STXBP6: variants seen among roughly 807,000 people sequenced by gnomAD.
The protein encoded by STXBP6 is syntaxin-binding protein 6.
Under a neutral mutation model 26.9 loss-of-function variants are expected in STXBP6, and 21 were observed. The ratio of observed to expected loss-of-function variants is 0.78; its 90% CI spans 0.55 to 1.12. The LOEUF (loss-of-function observed/expected upper bound fraction) is 1.12, where lower values mean the gene tolerates loss of function less well. Among genes scored for constraint, STXBP6 ranks in the 50% most tolerant of loss-of-function variants. STXBP6 has a pLI of 0.00. For synonymous variants in STXBP6, 97 were observed against 92.6 expected, an observed-to-expected ratio of 1.05 and a Z score of -0.27; for missense variants, 232 against 257.9, an observed-to-expected ratio of 0.90 and a Z score of 0.69.
At chr14:24,971,781 A>AT (rs199591477) in intron 2 of STXBP6, among the ~76,000 whole-genome samples, 6 of 152,050 alleles carry the variant, frequency 3.9e-5, no homozygotes, top group African/African-American at 7.2e-5. Context: ...ACATCATTGT[A>AT]TTTTTTTTAA....
At chr14:24,899,803 A>AAAAAAGC (rs2071144217) in intron 2 of STXBP6, among the ~76,000 whole-genome samples, 3 of 80,118 alleles carry the variant, frequency 3.7e-5, no homozygotes, top group Admixed American at 1.7e-4. Context: ...AAAAAAAGCA[A>AAAAAAGC]AAAAAAAAAA....
intron 2 of STXBP6, among the ~76,000 whole-genome samples, chr14:24,874,161 C>T (rs1197341419): frequency 2.6e-5 from 4 of 152,134 alleles, no homozygotes; most frequent in East Asian, 3.9e-4. Context: ...AAATTGCTCA[C>T]TCCCTCTCTC....
At chr14:25,031,555 C>G (rs1461893251) in intron 1 of STXBP6, among the ~76,000 whole-genome samples, 1 of 152,052 alleles carries the variant, frequency 6.6e-6, no homozygotes, top group Non-Finnish European at 1.5e-5. Flanking sequence ...AAAATAAAAG[C>G]TTTTTAAAAC....
Position 24,811,735 on chromosome 14 carries a change from C to CCT in STXBP6, c.*972_*973dup, listed in dbSNP as rs1267600758. ...ATCCAGATACCAAGAAACTAAAGGC[C>CCT]CTCTCCCAAGGACATTATGAAGGTG... On this transcript the variant is annotated 3_prime_UTR_variant, in exon 6 of 6. Transcript: ENST00000323944. 6.6e-6 allele frequency: 1 copy of CCT among 151,938 alleles called. No individual in the cohort carries two copies. Among genetic ancestry groups the CCT allele is most frequent in the East Asian group, 1.9e-4 (1 of 5,196 alleles). 9.4% of individuals were successfully genotyped at this position (151,938 alleles called of 1,614,324 possible).
chr14:24,869,587 A>G (rs893036642), intron 2 of STXBP6, among the ~76,000 whole-genome samples: 1 of 152,154 alleles, frequency 6.6e-6, no homozygotes, highest in Non-Finnish European at 1.5e-5. Flanking sequence ...AGCTTTCTCT[A>G]TTCAATTCTC....
intron 2 of STXBP6, among the ~76,000 whole-genome samples, chr14:24,966,131 T>C (rs928636385): frequency 4.6e-5 from 7 of 152,326 alleles, no homozygotes; most frequent in African/African-American, 1.7e-4. Context: ...AGATGGAGTT[T>C]CCTTTTTAAA....
At chr14:24,971,334 C>T (rs1566522317) in intron 2 of STXBP6, among the ~76,000 whole-genome samples, 2 of 152,172 alleles carry the variant, frequency 1.3e-5, no homozygotes, top group Non-Finnish European at 2.9e-5. Context: ...GATACTTCTC[C>T]CTTTTTTAAA....
intron 1 of STXBP6, among the ~76,000 whole-genome samples, chr14:25,033,278 A>G (rs1219564492): frequency 6.6e-6 from 1 of 151,856 alleles, no homozygotes; most frequent in Non-Finnish European, 1.5e-5. Context: ...ACTTCTTTCT[A>G]TTTCTCCATA....
chr14:24,814,850 TGAG>T (rs773900287), intron 5 of STXBP6, among the ~76,000 whole-genome samples: 2 of 152,182 alleles, frequency 1.3e-5, no homozygotes, highest in Non-Finnish European at 2.9e-5. Context: ...GAGGACATGA[TGAG>T]GAGGTGCCAT....
At chr14:24,912,350 T>C (rs1388503674) in intron 2 of STXBP6, among the ~76,000 whole-genome samples, 1 of 151,774 alleles carries the variant, frequency 6.6e-6, no homozygotes, top group Non-Finnish European at 1.5e-5. Context: ...AAAAGGTATC[T>C]TGAATGGATG....
chr14:24,908,826 A>C (rs967846205), intron 2 of STXBP6, among the ~76,000 whole-genome samples: 2 of 152,334 alleles, frequency 1.3e-5, no homozygotes, highest in East Asian at 3.9e-4. Flanking sequence ...TTCACAAAAA[A>C]GGCTGGTTAT....
At position 24,811,807 on chromosome 14, in the gene STXBP6, A is replaced by G. The variant is rs2067831859; in HGVS notation, c.*902T>C. 6.6e-6 allele frequency: 1 copy of G among 152,214 alleles called. No individual in the cohort carries two copies. The highest frequency in any genetic ancestry group is 2.4e-5 in the African/African-American group (1 of 41,436). The allele number at this position is 152,214 out of a possible 1,614,324, so 9.4% of individuals were successfully genotyped here. On this transcript the variant is annotated 3_prime_UTR_variant, in exon 6 of 6. Coordinates refer to ENST00000323944, the MANE Select transcript of STXBP6 (RefSeq NM_001394410.1). ...TAAAAAGACAAGACAAACATTTTAA[A>G]TGTACTACTTGTTCACATTATCATT...
chr14:24,904,066 C>A (rs1219869738), intron 2 of STXBP6, among the ~76,000 whole-genome samples: 1 of 152,134 alleles, frequency 6.6e-6, no homozygotes, highest in Non-Finnish European at 1.5e-5. Flanking sequence ...AACTCAAGGG[C>A]TGGCTTCAGG....
chr14:24,986,572 T>A (rs1243596421), intron 1 of STXBP6, among the ~76,000 whole-genome samples: 1 of 152,202 alleles, frequency 6.6e-6, no homozygotes, highest in Non-Finnish European at 1.5e-5. Flanking sequence ...TTCCAGGCCC[T>A]GGTAAACAAC....
At chr14:24,920,370 A>G (rs2071936629) in intron 2 of STXBP6, among the ~76,000 whole-genome samples, 1 of 152,018 alleles carries the variant, frequency 6.6e-6, no homozygotes. Context: ...TAAAATATTT[A>G]CTCATAAAAT....
chr14:24,847,996 A>T (rs1456639547), intron 4 of STXBP6, among the ~76,000 whole-genome samples: 1 of 152,170 alleles, frequency 6.6e-6, no homozygotes, highest in Non-Finnish European at 1.5e-5. Flanking sequence ...GCTCATTCTC[A>T]CTTGGAACAA....
rs530424752 is a variant in STXBP6 at position 24,987,809 on chromosome 14, C to A, written c.-32-12959G>T. 3.0e-6 allele frequency: 3 copies of A among 984,130 alleles called. No individual in the cohort carries two copies. The Admixed American group carries it at 1.8e-4, about 60-fold the overall frequency. 61.0% of individuals were successfully genotyped at this position (984,130 alleles called of 1,614,324 possible). A position where few individuals can be genotyped will look rare whatever the true frequency, so the allele number is the denominator to read the frequency against. ...CAAGGGAGATGCAGAGTGGTGTGAA[C>A]ATATTCTTAAAAAGGAGAAAAACAA... On this transcript the variant is annotated intron_variant, in intron 1 of 5. Transcript: ENST00000323944.
At chr14:24,881,860 C>G (rs564979071) in intron 2 of STXBP6, among the ~76,000 whole-genome samples, 2 of 152,198 alleles carry the variant, frequency 1.3e-5, no homozygotes, top group Non-Finnish European at 1.5e-5. Flanking sequence ...CGAAGATGTG[C>G]AGGATGGATT....
chr14:25,047,605 C>G (rs1187764096), intron 1 of STXBP6, among the ~76,000 whole-genome samples: 1 of 152,212 alleles, frequency 6.6e-6, no homozygotes, highest in Non-Finnish European at 1.5e-5. Context: ...GAATCAGAGA[C>G]TCTGGCAGTA....
Sources: gnomAD v4.1 joint callset for allele counts (sites outside exome capture counted in the v4.1 genomes callset) on GRCh38, gnomAD v4.1.1 for gene constraint, MANE v1.5 for transcripts, NCBI Gene and HGNC (gene_info 2026-07-23, HGNC 2026-07-21) for gene names.